The following ZMYM2 variants were observed in gnomAD, a reference collection of about 807,000 sequenced individuals.
ZMYM2 encodes the protein zinc finger MYM-type containing 2, also known as zinc finger MYM-type protein 2.
In ZMYM2, 56 loss-of-function variants were observed where a neutral mutation model predicts 162.8. The ratio of observed to expected loss-of-function variants is 0.34; its 90% CI spans 0.28 to 0.43. The LOEUF (loss-of-function observed/expected upper bound fraction) is 0.43, where lower values mean the gene tolerates loss of function less well. Among genes scored for constraint, ZMYM2 ranks in the 20% least tolerant of loss-of-function variants. ZMYM2 has a pLI of 1.00. For synonymous variants in ZMYM2, 510 were observed against 541.6 expected (o/e 0.94, Z 0.81); for missense variants, 1,275 against 1,621.8 (o/e 0.79, Z 3.67).
the ZMYM2 span, among the ~76,000 whole-genome samples, chr13:19,910,122 GAGGCTGAGGC>G: frequency 6.6e-6 from 1 of 152,038 alleles, no homozygotes; most frequent in East Asian, 1.9e-4. Flanking sequence ...AGCTACTCGG[GAGGCTGAGGC>G]AGGAGAATGG....
chr13:19,877,378 AAG>A, the ZMYM2 span, among the ~76,000 whole-genome samples: 5 of 152,184 alleles, frequency 3.3e-5, no homozygotes, highest in African/African-American at 4.8e-5. Context: ...ATCACAAAGA[AAG>A]AGAGAAAGCA....
At chr13:19,958,904 A>T (rs1049018286) in intron 1 of ZMYM2, 63 bp downstream of exon 1, 4 of 152,570 alleles carry the variant, frequency 2.6e-5, no homozygotes, top group Admixed American at 1.3e-4. Flanking sequence ...GGCTGGGAGC[A>T]GCGCAGCCTC....
At chr13:20,083,175 C>G (rs1288498192) in intron 23 of ZMYM2, 143 bp downstream of exon 23, 291 of 772,672 alleles carry the variant, frequency 3.8e-4, no homozygotes, top group Non-Finnish European at 1.4e-5. Context: ...CAATTCTCCT[C>G]CCTCAGCCTC....
intron 10 of ZMYM2, among the ~76,000 whole-genome samples, chr13:20,031,709 T>C (rs1342853706): frequency 1.3e-5 from 2 of 152,160 alleles, no homozygotes; most frequent in Non-Finnish European, 2.9e-5. Flanking sequence ...TTTAGCTACG[T>C]ACCTAGAGCA....
chr13:19,879,876 A>C, the ZMYM2 span, among the ~76,000 whole-genome samples: 1 of 152,350 alleles, frequency 6.6e-6, no homozygotes, highest in East Asian at 1.9e-4. Flanking sequence ...GAGATTGAGT[A>C]AAGATTATCG....
At chr13:20,048,343 A>G (rs746376888) in intron 12 of ZMYM2, among the ~76,000 whole-genome samples, 88 of 152,066 alleles carry the variant, frequency 5.8e-4, no homozygotes, top group Non-Finnish European at 5.2e-4. Context: ...TTAATATTCA[A>G]ATATTGCCTT....
At chr13:19,901,055 T>G in the ZMYM2 span, among the ~76,000 whole-genome samples, 1 of 152,166 alleles carries the variant, frequency 6.6e-6, no homozygotes, top group East Asian at 1.9e-4. Flanking sequence ...CTTTCCTTGG[T>G]GCATTCATAC....
At chr13:20,064,924 T>A (rs927115477) in intron 19 of ZMYM2, among the ~76,000 whole-genome samples, 2 of 152,092 alleles carry the variant, frequency 1.3e-5, no homozygotes, top group Non-Finnish European at 2.9e-5. Flanking sequence ...GTTCAATTAT[T>A]TGACAAAAAT....
the ZMYM2 span, among the ~76,000 whole-genome samples, chr13:19,942,742 GA>G: frequency 6.6e-6 from 1 of 151,842 alleles, no homozygotes; most frequent in African/African-American, 2.4e-5. Context: ...AGTAATTTTT[GA>G]AATAGCTCAT....
intron 6 of ZMYM2, among the ~76,000 whole-genome samples, chr13:20,014,670 A>T (rs1446584908): frequency 3.4e-5 from 5 of 146,678 alleles, no homozygotes; most frequent in African/African-American, 1.3e-4. Context: ...TTCCTGCTCT[A>T]ATCTTTATTA....
Position 20,066,925 on chromosome 13 carries a change from T to A in ZMYM2, c.3207T>A (p.Pro1069=). The change falls in exon 20 of 25, where the codon CCT becomes CCA. Residue 1069 remains proline, a synonymous_variant. Transcript: ENST00000610343. ...CTGACAATTCAGAATGCAGCTTTCC[T>A]TTCAAATATACGTATGGCGTAAATG... ...DSSDNSECSF[P]FKYTYGVNAW... The A allele has an allele frequency of 6.2e-7, 1 of 1,613,606 alleles. No homozygotes were observed. Among genetic ancestry groups the A allele is most frequent in the Non-Finnish European group, 8.5e-7 (1 of 1,179,688 alleles).
At chr13:19,886,432 G>A in the ZMYM2 span, among the ~76,000 whole-genome samples, 21 of 151,690 alleles carry the variant, frequency 1.4e-4, no homozygotes, top group South Asian at 4.2e-3. Context: ...CAAAGTGCTG[G>A]GTTTACAGGT....
At chr13:19,906,734 A>T in the ZMYM2 span, among the ~76,000 whole-genome samples, 4 of 151,662 alleles carry the variant, frequency 2.6e-5, no homozygotes. Flanking sequence ...TAATTTTTAA[A>T]TTTTTTTGTA....
chr13:20,026,842 A>G, intron 8 of ZMYM2, 80 bp downstream of exon 8: 3 of 1,410,048 alleles, frequency 2.1e-6, no homozygotes, highest in South Asian at 1.4e-5. Flanking sequence ...TGATGTTTTT[A>G]TGCTTGTTTT....
At chr13:19,942,554 A>G in the ZMYM2 span, among the ~76,000 whole-genome samples, 2 of 151,422 alleles carry the variant, frequency 1.3e-5, no homozygotes, top group Admixed American at 6.6e-5. Flanking sequence ...AAAAAAAAAA[A>G]AGAAAATTAG....
At chr13:19,976,336 A>AAAAGAAAG (rs1332024672) in intron 2 of ZMYM2, among the ~76,000 whole-genome samples, 1 of 150,248 alleles carries the variant, frequency 6.7e-6, no homozygotes, top group Non-Finnish European at 1.5e-5. Context: ...CAAAAAAAAA[A>AAAAGAAAG]AAAGAAAGAA....
chr13:20,000,442 A>G (rs1335129042), intron 3 of ZMYM2, among the ~76,000 whole-genome samples: 2 of 152,212 alleles, frequency 1.3e-5, no homozygotes, highest in African/African-American at 4.8e-5. Flanking sequence ...AAAACAACTG[A>G]TGGCTCTCTT....
chr13:19,884,705 G>A, the ZMYM2 span, among the ~76,000 whole-genome samples: 1 of 152,080 alleles, frequency 6.6e-6, no homozygotes, highest in Non-Finnish European at 1.5e-5. Context: ...CCTTGCGGCG[G>A]ATTCCTGGTC....
chr13:19,877,732 T>C, the ZMYM2 span, among the ~76,000 whole-genome samples: 1 of 152,232 alleles, frequency 6.6e-6, no homozygotes, highest in Non-Finnish European at 1.5e-5. Context: ...ATTTCCTTCC[T>C]TTTTAAGACT....
Sources: gnomAD v4.1 joint callset for allele counts (sites outside exome capture counted in the v4.1 genomes callset) on GRCh38, gnomAD v4.1.1 for gene constraint, MANE v1.5 for transcripts, NCBI Gene and HGNC (gene_info 2026-07-23, HGNC 2026-07-21) for gene names.